Variants in TAFA1 observed in about 807,000 individuals in gnomAD.
TAFA1 encodes TAFA chemokine like family member 1, also known as chemokine-like protein TAFA-1.
Under a neutral mutation model 18.5 loss-of-function variants are expected in TAFA1, and 4 were observed. The observed-to-expected ratio is 0.22, with a 90% confidence interval of 0.11 to 0.49. The LOEUF (loss-of-function observed/expected upper bound fraction) is 0.49. Among genes scored for constraint, TAFA1 ranks in the 20% least tolerant of loss-of-function variants. The pLI, the probability that TAFA1 is intolerant of heterozygous loss-of-function variation, is 0.98. For synonymous variants in TAFA1, 56 were observed against 55.2 expected (o/e 1.01, Z -0.06); for missense variants, 147 against 169.0 (o/e 0.87, Z 0.72).
intron 2 of TAFA1, among the ~76,000 whole-genome samples, chr3:68,402,221 G>A (rs553848618): frequency 7.0e-4 from 107 of 152,098 alleles, no homozygotes; most frequent in Non-Finnish European, 1.3e-3. Context: ...TGAATGCACC[G>A]GTGCTCATTG....
chr3:68,024,828 CACACAA>C (rs1171048110), intron 2 of TAFA1, among the ~76,000 whole-genome samples: 5 of 151,746 alleles, frequency 3.3e-5, no homozygotes, highest in Non-Finnish European at 4.4e-5. Context: ...CACACACACA[CACACAA>C]TTATACATTG....
chr3:68,537,968 G>C (rs187519842), intron 3 of TAFA1, among the ~76,000 whole-genome samples: 2 of 152,066 alleles, frequency 1.3e-5, no homozygotes, highest in Middle Eastern at 3.2e-3. Context: ...TGAAGTCTTC[G>C]AGGTTAGGAT....
intron 3 of TAFA1, among the ~76,000 whole-genome samples, chr3:68,528,521 T>C (rs2073140352): frequency 2.0e-5 from 3 of 152,166 alleles, no homozygotes; most frequent in Admixed American, 1.3e-4. Context: ...ATAAAGACAA[T>C]AACACACTGG....
At chr3:68,153,206 C>T (rs772707916) in intron 2 of TAFA1, among the ~76,000 whole-genome samples, 25 of 152,160 alleles carry the variant, frequency 1.6e-4, no homozygotes, top group Non-Finnish European at 1.9e-4. Context: ...AAATCTAACA[C>T]GATCCAGTGC....
At chr3:68,506,197 T>C (rs1294238426) in intron 3 of TAFA1, among the ~76,000 whole-genome samples, 1 of 152,136 alleles carries the variant, frequency 6.6e-6, no homozygotes. Context: ...GCTTCATCCA[T>C]GTACCTGCAA....
At chr3:68,508,055 A>G (rs541187952) in intron 3 of TAFA1, among the ~76,000 whole-genome samples, 1 of 152,116 alleles carries the variant, frequency 6.6e-6, no homozygotes, top group Non-Finnish European at 1.5e-5. Flanking sequence ...AGTCCAAGTT[A>G]AGATTCCAGC....
At chr3:68,204,778 C>T (rs1351078586) in intron 2 of TAFA1, among the ~76,000 whole-genome samples, 1 of 151,784 alleles carries the variant, frequency 6.6e-6, no homozygotes, top group African/African-American at 2.4e-5. Context: ...AACTGAAATT[C>T]TCAAGGCTGA....
intron 2 of TAFA1, among the ~76,000 whole-genome samples, chr3:68,259,877 C>G (rs1351713311): frequency 6.6e-6 from 1 of 152,028 alleles, no homozygotes; most frequent in Non-Finnish European, 1.5e-5. Context: ...ATCATGTCAT[C>G]TGCAAACAGG....
intron 2 of TAFA1, among the ~76,000 whole-genome samples, chr3:68,262,160 G>A (rs2107198918): frequency 6.6e-6 from 1 of 150,796 alleles, no homozygotes; most frequent in Non-Finnish European, 1.5e-5. Flanking sequence ...TTTAGGGACT[G>A]TTTCCATTTG....
chr3:68,154,221 A>T (rs558166583), intron 2 of TAFA1, among the ~76,000 whole-genome samples: 7 of 152,286 alleles, frequency 4.6e-5, no homozygotes, highest in Admixed American at 4.6e-4. Context: ...GTCAGCTAAT[A>T]AGCAAAAAGA....
chr3:68,309,085 T>C (rs992281052), intron 2 of TAFA1, among the ~76,000 whole-genome samples: 2 of 152,126 alleles, frequency 1.3e-5, no homozygotes, highest in African/African-American at 4.8e-5. Context: ...TCATCACTTA[T>C]ATCTGAGCTC....
chr3:68,162,602 C>T (rs1474550516), intron 2 of TAFA1, among the ~76,000 whole-genome samples: 1 of 152,166 alleles, frequency 6.6e-6, no homozygotes. Flanking sequence ...TTTACTCTCT[C>T]TCTCCTTCCC....
chr3:68,462,828 C>T (rs930510099), intron 3 of TAFA1, among the ~76,000 whole-genome samples: 1 of 152,128 alleles, frequency 6.6e-6, no homozygotes, highest in Admixed American at 6.6e-5. Context: ...CATTGCCTGA[C>T]AAGCAAAATG....
At chr3:68,398,233 A>G (rs1448199917) in intron 2 of TAFA1, among the ~76,000 whole-genome samples, 1 of 152,174 alleles carries the variant, frequency 6.6e-6, no homozygotes, top group Non-Finnish European at 1.5e-5. Flanking sequence ...ATATAGACCA[A>G]TGGAAATGAA....
intron 2 of TAFA1, among the ~76,000 whole-genome samples, chr3:68,067,511 A>G (rs1296613246): frequency 6.6e-6 from 1 of 152,170 alleles, no homozygotes; most frequent in Non-Finnish European, 1.5e-5. Flanking sequence ...ACATGGCTTG[A>G]GAGGTAATAC....
chr3:68,323,600 C>A (rs1457200299), intron 2 of TAFA1, among the ~76,000 whole-genome samples: 2 of 152,064 alleles, frequency 1.3e-5, no homozygotes, highest in African/African-American at 4.8e-5. Context: ...CTAAAATGTG[C>A]ATGGTAGTTT....
chr3:68,359,905 A>G (rs2069438864), intron 2 of TAFA1, among the ~76,000 whole-genome samples: 2 of 151,988 alleles, frequency 1.3e-5, no homozygotes, highest in Non-Finnish European at 2.9e-5. Flanking sequence ...TTGATATGAG[A>G]CATATTGAAT....
At chr3:68,249,827 G>A (rs890243413) in intron 2 of TAFA1, among the ~76,000 whole-genome samples, 12 of 152,142 alleles carry the variant, frequency 7.9e-5, no homozygotes, top group Admixed American at 7.9e-4. Flanking sequence ...CCCTGACAAG[G>A]AGATTTGTTG....
chr3:68,417,135 A>G, intron 2 of TAFA1, 145 bp from the exon 3 acceptor site: 1 of 643,614 alleles, frequency 1.6e-6, no homozygotes, highest in Non-Finnish European at 2.7e-6. Flanking sequence ...ACGTAGTAGA[A>G]GAGAGTCCTG....
Sources: allele counts gnomAD v4.1 joint callset (sites outside exome capture counted in the v4.1 genomes callset), GRCh38; gene constraint gnomAD v4.1.1; transcripts MANE v1.5; gene names NCBI Gene and HGNC (gene_info 2026-07-23, HGNC 2026-07-21).